The following ZFC3H1 variants were observed in gnomAD, a reference collection of about 807,000 sequenced individuals.
The protein encoded by ZFC3H1 is zinc finger C3H1-type containing, also known as zinc finger C3H1 domain-containing protein.
ZFC3H1 carries 71 observed loss-of-function variants against 243.7 expected under a neutral mutation model. The ratio of observed to expected loss-of-function variants is 0.29; its 90% CI spans 0.24 to 0.36. ZFC3H1 has a LOEUF of 0.36. Ranked by LOEUF, ZFC3H1 falls within the 10% of genes least tolerant of loss-of-function variation. The probability of loss-of-function intolerance (pLI) is 1.00; values close to 1 mark genes in which losing one functional copy is unlikely to be tolerated. For missense variants in ZFC3H1, 1,966 were observed against 2,317.1 expected (o/e 0.85, Z 3.11); for synonymous variants, 838 against 813.0 (o/e 1.03, Z -0.52).
chr12:71,629,749 A>AT (rs774167906), intron 18 of ZFC3H1, 39 bp from the exon 19 acceptor site: 76 of 1,249,806 alleles, frequency 6.1e-5, no homozygotes, highest in Non-Finnish European at 8.9e-5. Context: ...ATAAATATCA[A>AT]TTACAGAGAC....
intron 2 of ZFC3H1, among the ~76,000 whole-genome samples, chr12:71,652,056 T>C (rs985855508): frequency 2.0e-5 from 3 of 152,086 alleles, no homozygotes; most frequent in Admixed American, 6.6e-5. Flanking sequence ...ATAATAAAGG[T>C]TGAGTAAAAG....
chr12:71,640,639 C>G (rs1880577730), intron 6 of ZFC3H1, among the ~76,000 whole-genome samples: 1 of 152,250 alleles, frequency 6.6e-6, no homozygotes, highest in African/African-American at 2.4e-5. Context: ...CAGGCTGGCA[C>G]TGGGATGCCC....
intron 5 of ZFC3H1, among the ~76,000 whole-genome samples, chr12:71,643,069 T>G (rs1275662003): frequency 6.6e-6 from 1 of 152,204 alleles, no homozygotes; most frequent in South Asian, 2.1e-4. Flanking sequence ...TATGTTTCAC[T>G]CAGAGACAGT....
chr12:71,613,407 G>A lies in ZFC3H1; in HGVS notation c.5555C>T (p.Pro1852Leu), dbSNP rs1879820484. The change falls in exon 31 of 35, where the codon CCA becomes CTA. Residue 1852 changes from proline to leucine, a missense_variant. Physicochemically the swap from Pro to Leu is moderately conservative, Grantham distance 98 (BLOSUM62 -3). Coordinates refer to ENST00000378743, the MANE Select transcript of ZFC3H1 (RefSeq NM_144982.5). ...CAAGGTTTTGGAATGCTGGGTCTTT[G>A]GAACACAGCTCAAATAAAAGAAAAT... ...RVIFFYLSCV[P>L]KTQHSKTLER... 1 of 1,609,062 alleles carries A rather than the reference G, an allele frequency of 6.2e-7. No homozygotes were observed. Among genetic ancestry groups the A allele is most frequent in the Non-Finnish European group, 8.5e-7 (1 of 1,177,070 alleles).
In ZFC3H1 at chr12:71,634,671, C is replaced by A. The variant is rs1880415015; in HGVS notation, c.2360+33G>T. The A allele has an allele frequency of 3.2e-6, 5 of 1,566,688 alleles. No homozygotes were observed. In the African/African-American group the frequency reaches 5.5e-5, roughly 17 times the overall value. ...AGAGAAGTTTTGAAAACATCACATA[C>A]TTTTAATGTTAATTACATAAAATTA... On this transcript the variant is annotated intron_variant, in intron 11 of 34. Transcript: ENST00000378743.
chr12:71,613,096 A>C (rs762904581), intron 31 of ZFC3H1, among the ~76,000 whole-genome samples: 2 of 152,210 alleles, frequency 1.3e-5, no homozygotes, highest in Non-Finnish European at 2.9e-5. Context: ...GATGAACTTT[A>C]CTTGAATGGA....
At chr12:71,658,733 T>C (rs999193069) in intron 1 of ZFC3H1, among the ~76,000 whole-genome samples, 3 of 152,200 alleles carry the variant, frequency 2.0e-5, no homozygotes, top group African/African-American at 7.2e-5. Context: ...TACCATCATC[T>C]AAGAAACAAA....
At chr12:71,629,556 T>TATACACAC (rs1555179695) in intron 19 of ZFC3H1, 53 bp downstream of exon 19, 3 of 690,554 alleles carry the variant, frequency 4.3e-6, no homozygotes, top group South Asian at 1.7e-5. Context: ...AGAGATACAG[T>TATACACAC]ACACACACAC....
At position 71,615,070 on chromosome 12, in the gene ZFC3H1, A is replaced by G. The variant is rs183022540; in HGVS notation, c.5256-132T>C. 5.5e-6 allele frequency: 6 copies of G among 1,094,808 alleles called. No individual in the cohort carries two copies. In the Admixed American group the frequency reaches 1.3e-4, roughly 24 times the overall value. The allele number at this position is 1,094,808 out of a possible 1,614,324, so 67.8% of individuals were successfully genotyped here. A position where few individuals can be genotyped will look rare whatever the true frequency, so the allele number is the denominator to read the frequency against. ...TTTTGACCTTTCTTCTCTAGTATATACTAAACCTTAGCATCTCTTCAATTG... is the reference window on the plus strand; with the variant it reads ...TTTTGACCTTTCTTCTCTAGTATATGCTAAACCTTAGCATCTCTTCAATTG... On this transcript the variant is annotated intron_variant, in intron 28 of 34. Transcript: ENST00000378743.
chr12:71,659,008 G>A (rs1367227672), intron 1 of ZFC3H1, among the ~76,000 whole-genome samples: 3 of 151,828 alleles, frequency 2.0e-5, no homozygotes, highest in African/African-American at 4.8e-5. Context: ...CTTCTCTCTT[G>A]GCTTCCATAA....
intron 1 of ZFC3H1, among the ~76,000 whole-genome samples, chr12:71,662,397 A>G (rs1881202067): frequency 6.6e-6 from 1 of 152,218 alleles, no homozygotes; most frequent in Non-Finnish European, 1.5e-5. Flanking sequence ...GAACACAGAT[A>G]GAAACGTAAA....
chr12:71,634,349 CTTA>C, intron 11 of ZFC3H1, 45 bp from the exon 12 acceptor site: 1 of 1,574,422 alleles, frequency 6.4e-7, no homozygotes, highest in Non-Finnish European at 8.6e-7. Context: ...CAAGAATAAA[CTTA>C]AACTATTTTT....
intron 1 of ZFC3H1, among the ~76,000 whole-genome samples, chr12:71,661,835 T>G (rs1881185624): frequency 6.6e-6 from 1 of 152,204 alleles, no homozygotes. Context: ...AACTTTTGGT[T>G]GCAGAAGTAA....
chr12:71,631,535 C>T (rs1880323262), intron 16 of ZFC3H1, among the ~76,000 whole-genome samples: 1 of 151,968 alleles, frequency 6.6e-6, no homozygotes, highest in Non-Finnish European at 1.5e-5. Context: ...AAACAGAAAT[C>T]CAAAATTCTC....
At chr12:71,615,130 C>A in intron 28 of ZFC3H1, 76 bp downstream of exon 28, 1 of 1,291,354 alleles carries the variant, frequency 7.7e-7, no homozygotes, top group Non-Finnish European at 1.1e-6. Flanking sequence ...TTAATTATAA[C>A]AAACACAGTG....
intron 22 of ZFC3H1, among the ~76,000 whole-genome samples, chr12:71,624,919 A>G (rs894491412): frequency 1.2e-4 from 18 of 152,234 alleles, no homozygotes; most frequent in African/African-American, 4.3e-4. Context: ...GTGAGCCAAC[A>G]TCACACCATT....
chr12:71,636,468 A>G, intron 9 of ZFC3H1, 22 bp downstream of exon 9: 1 of 1,589,046 alleles, frequency 6.3e-7, no homozygotes, highest in East Asian at 2.3e-5. Flanking sequence ...GAATAAAAGT[A>G]GCATTAAATT....
intron 13 of ZFC3H1, 63 bp downstream of exon 13, chr12:71,633,201 C>A: frequency 1.3e-6 from 2 of 1,482,050 alleles, no homozygotes; most frequent in Non-Finnish European, 1.8e-6. Flanking sequence ...GTTTGTCTTA[C>A]AGAAAATTTG....
intron 21 of ZFC3H1, 63 bp from the exon 22 acceptor site, chr12:71,626,509 C>T: frequency 7.3e-7 from 1 of 1,375,528 alleles, no homozygotes; most frequent in Non-Finnish European, 9.7e-7. Flanking sequence ...TTAAATAGGG[C>T]TAATCCAATG....
Sources: gnomAD v4.1 joint callset for allele counts (sites outside exome capture counted in the v4.1 genomes callset) on GRCh38, gnomAD v4.1.1 for gene constraint, MANE v1.5 for transcripts, NCBI Gene and HGNC (gene_info 2026-07-23, HGNC 2026-07-21) for gene names.